SEC14L5: variants seen among roughly 807,000 people sequenced by gnomAD.
The protein encoded by SEC14L5 is SEC14-like protein 5.
In SEC14L5, 96 loss-of-function variants were observed where a neutral mutation model predicts 84.6. The observed-to-expected ratio is 1.13, with a 90% CI of 0.96 to 1.34. The LOEUF (loss-of-function observed/expected upper bound fraction) is 1.34. Ranked by LOEUF, SEC14L5 falls within the 40% of genes most tolerant of loss-of-function variation. SEC14L5 has a pLI of 0.00. For missense variants in SEC14L5, 1,224 were observed against 942.5 expected, an observed-to-expected ratio of 1.30 and a Z score of -3.91; for synonymous variants, 546 against 383.4, an observed-to-expected ratio of 1.42 and a Z score of -4.95.
intron 1 of SEC14L5, among the ~76,000 whole-genome samples, chr16:4,958,752 T>A (rs1002419754): frequency 2.6e-5 from 4 of 152,084 alleles, no homozygotes; most frequent in Non-Finnish European, 4.4e-5. Context: ...GCAAAAGCAG[T>A]CCCGTGTGGG....
chr16:4,985,151 G>T (rs1448858363), intron 2 of SEC14L5, among the ~76,000 whole-genome samples: 1 of 152,048 alleles, frequency 6.6e-6, no homozygotes, highest in African/African-American at 2.4e-5. Context: ...AGTTCATAAA[G>T]ATTTATTCAT....
At chr16:4,970,910 C>T (rs1955268625) in intron 2 of SEC14L5, among the ~76,000 whole-genome samples, 1 of 152,110 alleles carries the variant, frequency 6.6e-6, no homozygotes, top group Admixed American at 6.5e-5. Flanking sequence ...GACTTTGAGA[C>T]CAGCCTGGCC....
intron 2 of SEC14L5, among the ~76,000 whole-genome samples, chr16:4,967,205 C>G (rs991967235): frequency 6.6e-6 from 1 of 152,190 alleles, no homozygotes; most frequent in Non-Finnish European, 1.5e-5. Context: ...TCTGGAGGCT[C>G]TAGAAGGGGA....
intron 2 of SEC14L5, among the ~76,000 whole-genome samples, chr16:4,973,680 CTTTTTTT>C (rs34324146): frequency 1.6e-5 from 2 of 127,110 alleles, no homozygotes; most frequent in East Asian, 2.2e-4. Context: ...TTCTCTGTCT[CTTTTTTT>C]TTTTTTTTTT....
chr16:4,990,918 T>C, intron 5 of SEC14L5, 23 bp downstream of exon 5: 1 of 1,541,384 alleles, frequency 6.5e-7, no homozygotes, highest in Non-Finnish European at 8.8e-7. Flanking sequence ...TTGCGTTAGT[T>C]ACTGGAGGAA....
chr16:5,009,811 C>G (rs1046409917), intron 14 of SEC14L5, among the ~76,000 whole-genome samples: 1 of 151,848 alleles, frequency 6.6e-6, no homozygotes, highest in Non-Finnish European at 1.5e-5. Context: ...TCAGTATGGA[C>G]GAAGACCTTG....
In SEC14L5 at chr16:5,000,704, C is replaced by G. The variant is rs747820646; in HGVS notation, c.1020C>G (p.Gly340=). The change falls in exon 9 of 16, where the codon GGC becomes GGG. Residue 340 remains glycine, a synonymous_variant. Coordinates refer to ENST00000251170, the MANE Select transcript of SEC14L5 (RefSeq NM_014692.2). ...GCCTGGGCCAGATGGACACCAAAGG[C>G]TTGATGAAGGCCGTGGGGGAGGAGG... ...ILRLGQMDTK[G]LMKAVGEEAL... The G allele has an allele frequency of 6.4e-7, 1 of 1,552,458 alleles. No homozygotes were observed. The highest frequency in any genetic ancestry group is 8.7e-7 in the Non-Finnish European group (1 of 1,147,596).
At chr16:4,965,859 T>C (rs995121673) in intron 2 of SEC14L5, among the ~76,000 whole-genome samples, 14 of 151,402 alleles carry the variant, frequency 9.2e-5, no homozygotes, top group East Asian at 3.9e-4. Flanking sequence ...CTGGGCAACA[T>C]AGGGAGTCCC....
chr16:5,000,890 T>TGA lies in SEC14L5; in HGVS notation c.1097_1098dup (p.Gly367ArgfsTer18). ...TCAACGAGGAAGGACAGAAGCGGTG[T>TGA]GAGGGGAGCACAAGGCAGCTGGGCC... On this transcript the variant is annotated frameshift_variant, in exon 10 of 16. Coordinates refer to ENST00000251170, the MANE Select transcript of SEC14L5 (RefSeq NM_014692.2). LOFTEE classifies it high-confidence loss of function. 3.7e-6 allele frequency: 6 copies of TGA among 1,609,332 alleles called. No homozygotes were observed. Among genetic ancestry groups the TGA allele is most frequent in the Middle Eastern group, 1.7e-4 (1 of 6,046 alleles).
At chr16:5,000,823 G>A (rs754154976) in intron 9 of SEC14L5, 32 bp from the exon 10 acceptor site, 50 of 1,583,624 alleles carry the variant, frequency 3.2e-5, no homozygotes, top group Non-Finnish European at 4.2e-5. Context: ...GCAGCGAGGC[G>A]GACGTTGAGC....
intron 2 of SEC14L5, among the ~76,000 whole-genome samples, chr16:4,979,874 C>G (rs537324480): frequency 6.6e-6 from 1 of 152,230 alleles, no homozygotes; most frequent in Non-Finnish European, 1.5e-5. Flanking sequence ...CATGCCCCAC[C>G]GGCCCCATCC....
chr16:5,009,231 GTC>G, intron 14 of SEC14L5, among the ~76,000 whole-genome samples: 1 of 152,140 alleles, frequency 6.6e-6, no homozygotes, highest in African/African-American at 2.4e-5. Context: ...TTCTCTGTCT[GTC>G]TCTCTTCTGA....
Position 5,003,456 on chromosome 16 carries a change from G to C in SEC14L5, c.1185G>C (p.Arg395=), listed in dbSNP as rs1234294766. The change falls in exon 11 of 16, where the codon CGG becomes CGC. Residue 395 remains arginine, a synonymous_variant. Transcript: ENST00000251170. The part of the protein sequence containing the change: ...LEGLNMRHLW[R]PGVKALLRMI... Reference sequence around the variant, plus strand: ...GACTCAACATGCGGCACCTGTGGCGGCCGGGGGTGAAGGCCCTGCTGCGGA... The same window carrying C: ...GACTCAACATGCGGCACCTGTGGCGCCCGGGGGTGAAGGCCCTGCTGCGGA... 2 of 1,613,312 alleles carry C rather than the reference G, an allele frequency of 1.2e-6. No homozygotes were observed. Among genetic ancestry groups the C allele is most frequent in the Admixed American group, 3.3e-5 (2 of 60,010 alleles).
chr16:4,976,617 G>A (rs1955343763), intron 2 of SEC14L5, among the ~76,000 whole-genome samples: 1 of 152,218 alleles, frequency 6.6e-6, no homozygotes, highest in South Asian at 2.1e-4. Flanking sequence ...CCCATCTCCA[G>A]ATGCTAATTG....
intron 11 of SEC14L5, among the ~76,000 whole-genome samples, chr16:5,005,358 CAG>C (rs916264107): frequency 1.7e-4 from 26 of 151,216 alleles, no homozygotes; most frequent in African/African-American, 5.1e-4. Flanking sequence ...GGCAAATCCA[CAG>C]AGACAGAGTG....
chr16:4,970,610 G>A (rs903838069), intron 2 of SEC14L5, among the ~76,000 whole-genome samples: 2 of 152,178 alleles, frequency 1.3e-5, no homozygotes, highest in African/African-American at 2.4e-5. Flanking sequence ...GCCATCAGGG[G>A]AACCAGCTGA....
intron 12 of SEC14L5, among the ~76,000 whole-genome samples, chr16:5,006,868 AG>A (rs1361146061): frequency 6.6e-6 from 1 of 151,376 alleles, no homozygotes; most frequent in Non-Finnish European, 1.5e-5. Flanking sequence ...TGGTGGTGGC[AG>A]GGGGAGTTCT....
At position 4,991,851 on chromosome 16, in the gene SEC14L5, T is replaced by C. The variant is rs2142507535; in HGVS notation, c.488T>C (p.Ile163Thr). The C allele has an allele frequency of 6.2e-7, 1 of 1,605,782 alleles. No homozygotes were observed. The highest frequency in any genetic ancestry group is 2.2e-5 in the East Asian group (1 of 44,594). The stretch of plus-strand genomic sequence containing the variant: ...TCTGGCTTCCAGGGGAAGGAGGTGA[T>C]TGAGCATTACCTGAATGAGCTCATC... Reference protein sequence around the residue: ...TANVKRGKEVIEHYLNELISQ... With the variant: ...TANVKRGKEVTEHYLNELISQ... The change falls in exon 6 of 16, where the codon ATT (isoleucine) becomes ACT (threonine). Residue 163 changes from isoleucine (I) to threonine (T), a missense_variant. Physicochemically the swap from Ile to Thr is moderately conservative, Grantham distance 89. Transcript: ENST00000251170.
At chr16:4,994,509 A>G (rs572138753) in intron 6 of SEC14L5, among the ~76,000 whole-genome samples, 4 of 151,948 alleles carry the variant, frequency 2.6e-5, no homozygotes, top group Non-Finnish European at 5.9e-5. Context: ...ATTCCCGGCT[A>G]ATTTTTGTAT....
Sources: allele counts gnomAD v4.1 joint callset (sites outside exome capture counted in the v4.1 genomes callset), GRCh38; gene constraint gnomAD v4.1.1; transcripts MANE v1.5; gene names NCBI Gene and HGNC (gene_info 2026-07-23, HGNC 2026-07-21).